The following SH3D21 variants were observed in gnomAD, a reference collection of about 807,000 sequenced individuals.
The protein encoded by SH3D21 is SH3 domain-containing protein 21.
Under a neutral mutation model 82.1 loss-of-function variants are expected in SH3D21, and 83 were observed. That is an observed-to-expected ratio of 1.01 (90% CI 0.85 to 1.21). The LOEUF is 1.21. Among genes scored for constraint, SH3D21 ranks in the 50% most tolerant of loss-of-function variants. SH3D21 has a pLI of 0.00. For missense variants in SH3D21, 980 were observed against 962.1 expected (o/e 1.02, Z -0.25); for synonymous variants, 383 against 387.8 (o/e 0.99, Z 0.15).
rs374695821 is a variant in SH3D21, at chr1:36,307,158, C to A, written c.227-9C>A. 602 of 1,551,428 alleles carry A rather than the reference C, an allele frequency of 3.9e-4. 1 individual carries two copies. The African/African-American group carries it at 7.3e-3, about 19-fold the overall frequency. ...CGACTGGAGCTCAGCCGCGCTTGTC[C>A]GGTGCTAGGTCATCCTGCCAAACAC... On this transcript the variant is annotated splice_polypyrimidine_tract_variant and intron_variant, in intron 3 of 15. Transcript: ENST00000453908. The surrounding 1 kb of genome is among the most constrained non-coding windows in gnomAD (Gnocchi z 5.4).
downstream of SH3D21, among the ~76,000 whole-genome samples, chr1:36,326,562 G>C (rs925244560): frequency 1.3e-5 from 2 of 152,162 alleles, no homozygotes; most frequent in African/African-American, 4.8e-5. Context: ...GTGTGGTGGG[G>C]AGCTCCTGGA....
downstream of SH3D21, among the ~76,000 whole-genome samples, chr1:36,329,648 A>G (rs941694800): frequency 6.6e-6 from 1 of 152,106 alleles, no homozygotes. Flanking sequence ...GCGTTTGAAC[A>G]GGGGAGACGG....
At chr1:36,326,410 T>C (rs1001834604), downstream of SH3D21, among the ~76,000 whole-genome samples, 1 of 152,114 alleles carries the variant, frequency 6.6e-6, no homozygotes, top group African/African-American at 2.4e-5. Context: ...TTTGTATTTT[T>C]AGTAGAGATG....
rs778288038 is a variant in SH3D21, at chr1:36,308,178, G to A, written c.608G>A (p.Arg203Gln). The A allele has an allele frequency of 8.4e-6, 13 of 1,547,702 alleles. No individual in the cohort carries two copies. The highest frequency in any genetic ancestry group is 1.7e-4 in the Middle Eastern group (1 of 5,982). ...QPEAPDELAL[R>Q]RGDVVKVLSK... ...GAGGCCCCAGACGAGTTGGCGCTGC[G>A]GAGGGGGGACGTGGTAAAAGTACTC... The change falls in exon 8 of 16, where the codon CGG becomes CAG. Residue 203 changes from arginine (R) to glutamine (Q), a missense_variant. Arg to Gln is a conservative substitution (Grantham distance 43). Transcript: ENST00000453908.
chr1:36,306,548 C>A lies in SH3D21; in HGVS notation c.5-50C>A. The A allele has an allele frequency of 7.7e-7, 1 of 1,302,568 alleles. No individual in the cohort carries two copies. The highest frequency in any genetic ancestry group is 1.0e-6 in the Non-Finnish European group (1 of 988,146). 80.7% of individuals were successfully genotyped at this position (1,302,568 alleles called of 1,614,324 possible). A position where few individuals can be genotyped will look rare whatever the true frequency, so the allele number is the denominator to read the frequency against. ...GGACACGCCCGCCCTAGCCAGGCTG[C>A]CCGGCTGGGCCTTTCTGAGCCGCAC... On this transcript the variant is annotated intron_variant, in intron 1 of 15. Transcript: ENST00000453908. The surrounding 1 kb of genome is among the most constrained non-coding windows in gnomAD (Gnocchi z 4.5).
At chr1:36,314,101 G>A (rs868165022) in intron 10 of SH3D21, among the ~76,000 whole-genome samples, 27 of 147,254 alleles carry the variant, frequency 1.8e-4, no homozygotes, top group African/African-American at 4.5e-4. Flanking sequence ...CAGCCTCTCC[G>A]AGTAGCTGGG....
intron 10 of SH3D21, among the ~76,000 whole-genome samples, chr1:36,316,494 CA>C (rs1013449152): frequency 6.6e-6 from 1 of 152,262 alleles, no homozygotes; most frequent in African/African-American, 2.4e-5. Flanking sequence ...CTCGGTCTCC[CA>C]AAGTGTTGGG....
Position 36,307,387 on chromosome 1 carries a change from G to A in SH3D21, c.345+102G>A, listed in dbSNP as rs1646150281. On this transcript the variant is annotated intron_variant, in intron 4 of 15. Transcript: ENST00000453908. The surrounding 1 kb of genome is among the most constrained non-coding windows in gnomAD (Gnocchi z 5.4). ...GGGTGTGGACGGTGGGAATGGCGAC[G>A]GTGCAGATACGGGGAAGCGCGGGAG... The A allele has an allele frequency of 1.2e-5, 18 of 1,513,046 alleles. No homozygotes were observed. The highest frequency in any genetic ancestry group is 5.5e-5 in the African/African-American group (4 of 72,266). 93.7% of individuals were successfully genotyped at this position (1,513,046 alleles called of 1,614,324 possible).
In SH3D21 at chr1:36,308,210, G is replaced by T; in HGVS notation, c.639+1G>T. 1 of 1,536,260 alleles carries T rather than the reference G, an allele frequency of 6.5e-7. No individual in the cohort carries two copies. Among genetic ancestry groups the T allele is most frequent in the Non-Finnish European group, 8.8e-7 (1 of 1,138,970 alleles). On this transcript the variant is annotated splice_donor_variant, in intron 8 of 15. Coordinates refer to ENST00000453908, the MANE Select transcript of SH3D21 (RefSeq NM_001162530.2). LOFTEE classifies it high-confidence loss of function. ...GGACGTGGTAAAAGTACTCAGCAAGGTGTGAGACGAACAGGGTGGGGGGGC... is the reference window on the plus strand; with the variant it reads ...GGACGTGGTAAAAGTACTCAGCAAGTTGTGAGACGAACAGGGTGGGGGGGC...
At chr1:36,322,493 C>A (rs1211665405), downstream of SH3D21, 3 of 1,603,244 alleles carry the variant, frequency 1.9e-6, no homozygotes, top group Non-Finnish European at 2.5e-6. Context: ...GCTCTGCGGA[C>A]AGCTCGGGGC....
downstream of SH3D21, chr1:36,323,344 G>A (rs1344851020): frequency 1.1e-5 from 4 of 349,070 alleles, no homozygotes; most frequent in African/African-American, 2.2e-5. Flanking sequence ...GGGCGGGATG[G>A]AGGATAGGGA....
At chr1:36,313,934 T>A (rs1646288312) in intron 10 of SH3D21, among the ~76,000 whole-genome samples, 1 of 150,812 alleles carries the variant, frequency 6.6e-6, no homozygotes, top group African/African-American at 2.4e-5. Flanking sequence ...GGCTTTGATT[T>A]GCATTTCTCT....
Position 36,320,730 on chromosome 1 carries a change from T to C in SH3D21, c.2067T>C (p.Asp689=), listed in dbSNP as rs749329608. The C allele has an allele frequency of 1.3e-5, 21 of 1,612,248 alleles. No homozygotes were observed. In the African/African-American group the frequency reaches 1.5e-4, roughly 11 times the overall value. ...CGGAAAACAAGAATGAAGGAGTTGA[T>C]GTAACGTCGCTGAGGGGCGAGGTGG... ...NYTENKNEGV[D]VTSLRGEVES... is the part of the protein sequence containing the mutation. The change falls in exon 14 of 16, where the codon GAT becomes GAC. Residue 689 remains aspartate (D), a synonymous_variant. Transcript: ENST00000453908.
Position 36,319,474 on chromosome 1 carries a change from TA to T in SH3D21, c.950del (p.Tyr317PhefsTer29). The T allele has an allele frequency of 1.3e-6, 2 of 1,551,510 alleles. No individual in the cohort carries two copies. The highest frequency in any genetic ancestry group is 1.7e-6 in the Non-Finnish European group (2 of 1,146,940). ...PNGGFQSGGS[Y>X]HPGRKRSKTQ... ...TGGTGGCTTCCAAAGTGGGGGTTCGTATCACCCTGGCCGAAAGCGATCCAAA... is the reference window on the plus strand; with the variant it reads ...TGGTGGCTTCCAAAGTGGGGGTTCGTTCACCCTGGCCGAAAGCGATCCAAA... On this transcript the variant is annotated frameshift_variant, in exon 13 of 16. Coordinates refer to ENST00000453908, the MANE Select transcript of SH3D21 (RefSeq NM_001162530.2). LOFTEE classifies it high-confidence loss of function.
chr1:36,308,474 C>G lies in SH3D21; in HGVS notation c.725C>G (p.Pro242Arg). Reference protein sequence around the residue: ...FPDNFVLPPPPIKKLVPRKVV... With the variant: ...FPDNFVLPPPRIKKLVPRKVV... ...GACAACTTTGTACTCCCACCACCCC[C>G]AGTGAGTACAGAGCCAAGACACTCA... is the stretch of plus-strand genomic sequence containing the variant. Residue 242 changes from proline to arginine, a missense_variant and splice_region_variant, in exon 9 of 16, where the codon CCA (proline) becomes CGA (arginine). Physicochemically the swap from Pro to Arg is moderately radical, Grantham distance 103 (BLOSUM62 -2). Transcript: ENST00000453908. 6.4e-7 allele frequency: 1 copy of G among 1,551,436 alleles called. No homozygotes were observed. Among genetic ancestry groups the G allele is most frequent in the South Asian group, 1.2e-5 (1 of 84,028 alleles).
chr1:36,329,032 T>C (rs1557495985), downstream of SH3D21: 2 of 152,292 alleles, frequency 1.3e-5, no homozygotes, highest in African/African-American at 2.4e-5. Flanking sequence ...CCGCTTTCCA[T>C]GGGGCAACTC....
intron 10 of SH3D21, among the ~76,000 whole-genome samples, chr1:36,317,829 G>A (rs1570397041): frequency 6.6e-6 from 1 of 152,332 alleles, no homozygotes; most frequent in South Asian, 2.1e-4. Context: ...CTCTCAAAGT[G>A]CCGGGATTAC....
chr1:36,313,411 G>A (rs1468236893), intron 10 of SH3D21, among the ~76,000 whole-genome samples: 2 of 151,700 alleles, frequency 1.3e-5, no homozygotes, highest in Non-Finnish European at 2.9e-5. Context: ...AATTCATCTT[G>A]CCATATTTTT....
At chr1:36,322,082 C>T (rs189574784), downstream of SH3D21, 9 of 1,356,014 alleles carry the variant, frequency 6.6e-6, no homozygotes, top group African/African-American at 7.7e-5. Context: ...TTCATCGACC[C>T]CAGAGAGGGA....
Sources: allele counts gnomAD v4.1 joint callset (sites outside exome capture counted in the v4.1 genomes callset), GRCh38; gene constraint gnomAD v4.1.1; non-coding constraint Gnocchi (gnomAD v3.1); transcripts MANE v1.5; gene names NCBI Gene and HGNC (gene_info 2026-07-23, HGNC 2026-07-21).